Variants in POLR3A observed in about 807,000 individuals in gnomAD.
POLR3A encodes the protein RNA polymerase III subunit A.
Under a neutral mutation model 152.8 loss-of-function variants are expected in POLR3A, and 112 were observed. That is an observed-to-expected ratio of 0.73 (90% CI 0.63 to 0.86). The LOEUF is 0.86. Ranked by LOEUF, POLR3A falls within the 40% of genes least tolerant of loss-of-function variation. The probability of loss-of-function intolerance (pLI) is 0.00; values close to 1 mark genes in which losing one functional copy is unlikely to be tolerated. For missense variants in POLR3A, 1,385 were observed against 1,743.1 expected, an observed-to-expected ratio of 0.79 and a Z score of 3.66; for synonymous variants, 615 against 652.1, an observed-to-expected ratio of 0.94 and a Z score of 0.87.
At chr10:77,996,495 A>G (rs1190999618) in intron 19 of POLR3A, among the ~76,000 whole-genome samples, 1 of 152,256 alleles carries the variant, frequency 6.6e-6, no homozygotes, top group East Asian at 1.9e-4. Context: ...CAACGATCCC[A>G]CAGAAATACA....
rs1564612517 is a variant in POLR3A, at chr10:77,980,122, A to C, written c.4024+19T>G. 2 of 1,611,992 alleles carry C rather than the reference A, an allele frequency of 1.2e-6. No individual in the cohort carries two copies. Among genetic ancestry groups the C allele is most frequent in the Non-Finnish European group, 1.7e-6 (2 of 1,178,048 alleles). On this transcript the variant is annotated intron_variant, in intron 30 of 30. Transcript: ENST00000372371. Reference sequence around the variant, plus strand: ...ATAGTAAAGGCCTTTGATGCTGTTCATAGAAACATCAAACCTACCACACAC... The same window carrying C: ...ATAGTAAAGGCCTTTGATGCTGTTCCTAGAAACATCAAACCTACCACACAC...
In POLR3A at chr10:77,982,761, G is replaced by A. The variant is rs964966557; in HGVS notation, c.3486C>T (p.Pro1162=). ...CCTCACCATGAACAGCCACATCACC[G>A]GGCTTCACACGGAGCTTGGATGTGC... The part of the protein sequence containing the change: ...SICTSKLRVK[P]GDVAVHGEAV... The change falls in exon 27 of 31, where the codon CCC becomes CCT. Residue 1162 remains proline, a synonymous_variant. Transcript: ENST00000372371. The A allele has an allele frequency of 6.2e-6, 10 of 1,613,938 alleles. No individual in the cohort carries two copies. The East Asian group carries it at 6.7e-5, about 11-fold the overall frequency.
intron 21 of POLR3A, among the ~76,000 whole-genome samples, chr10:77,987,090 C>T (rs1380202382): frequency 6.6e-6 from 1 of 152,150 alleles, no homozygotes; most frequent in African/African-American, 2.4e-5. Flanking sequence ...GGAAGGAGCA[C>T]TTACAGAGGA....
At chr10:78,009,737 A>G in intron 13 of POLR3A, 62 bp from the exon 14 acceptor site, 2 of 1,613,632 alleles carry the variant, frequency 1.2e-6, no homozygotes, top group South Asian at 1.1e-5. Context: ...CCCCTTCAGT[A>G]GACGAAGCCA....
rs1847672211 is a variant in POLR3A, at chr10:78,029,512, C to A, written c.-105G>T. 9.0e-7 allele frequency: 1 copy of A among 1,106,042 alleles called. No individual in the cohort carries two copies. Among genetic ancestry groups the A allele is most frequent in the African/African-American group, 1.5e-5 (1 of 65,246 alleles). 68.5% of individuals were successfully genotyped at this position (1,106,042 alleles called of 1,614,324 possible). On this transcript the variant is annotated 5_prime_UTR_variant, in exon 1 of 31. Coordinates refer to ENST00000372371, the MANE Select transcript of POLR3A (RefSeq NM_007055.4). ...GCTTCTGGACTCGCCGCTAACACAT[C>A]TGCGGCATCCTCTCGGCCACCGTAG... is the stretch of plus-strand genomic sequence containing the variant.
intron 30 of POLR3A, among the ~76,000 whole-genome samples, chr10:77,978,660 G>GTTTTTT (rs1349193901): frequency 7.4e-6 from 1 of 135,744 alleles, no homozygotes; most frequent in African/African-American, 2.8e-5. Context: ...CTTCATGCTA[G>GTTTTTT]TTTTTTTTTT....
At chr10:78,028,395 T>C (rs1847657957) in intron 1 of POLR3A, among the ~76,000 whole-genome samples, 1 of 152,200 alleles carries the variant, frequency 6.6e-6, no homozygotes, top group South Asian at 2.1e-4. Flanking sequence ...CAGTGTTGAC[T>C]TGTGTACCTT....
chr10:78,023,116 C>A (rs1429545024), intron 5 of POLR3A, among the ~76,000 whole-genome samples: 5 of 151,222 alleles, frequency 3.3e-5, no homozygotes, highest in African/African-American at 1.2e-4. Context: ...CGATATCATG[C>A]CATTGCACTC....
intron 29 of POLR3A, 116 bp from the exon 30 acceptor site, chr10:77,980,389 G>T: frequency 1.0e-6 from 1 of 961,074 alleles, no homozygotes; most frequent in Non-Finnish European, 1.6e-6. Context: ...CCAACGTCAG[G>T]TGTGAAAGGC....
chr10:77,979,276 G>A (rs1847117651), intron 30 of POLR3A, among the ~76,000 whole-genome samples: 1 of 152,252 alleles, frequency 6.6e-6, no homozygotes, highest in Admixed American at 6.5e-5. Flanking sequence ...GGGCTACTGG[G>A]AAGCAGAGCT....
chr10:78,022,518 T>G, intron 5 of POLR3A, 134 bp from the exon 6 acceptor site: 1 of 909,658 alleles, frequency 1.1e-6, no homozygotes, highest in Non-Finnish European at 1.7e-6. Context: ...CTATGGATGA[T>G]ACGCTATGCT....
chr10:77,997,525 A>G (rs1847312985), intron 19 of POLR3A, among the ~76,000 whole-genome samples: 1 of 152,158 alleles, frequency 6.6e-6, no homozygotes, highest in African/African-American at 2.4e-5. Flanking sequence ...ACAGACAGAG[A>G]GCCAAATCAT....
At chr10:77,981,868 C>CAAAAAAAAAAA (rs60259976) in intron 28 of POLR3A, among the ~76,000 whole-genome samples, 2 of 63,784 alleles carry the variant, frequency 3.1e-5, no homozygotes, top group East Asian at 4.0e-4. Context: ...ACTAAAAATA[C>CAAAAAAAAAAA]AAAAAAAAAA....
intron 11 of POLR3A, among the ~76,000 whole-genome samples, chr10:78,010,924 G>A (rs868751611): frequency 2.6e-5 from 4 of 152,166 alleles, no homozygotes; most frequent in Middle Eastern, 3.2e-3. Context: ...GCTCACTGCA[G>A]CCTCAACCTC....
intron 3 of POLR3A, 90 bp downstream of exon 3, chr10:78,025,532 C>A: frequency 7.7e-7 from 1 of 1,297,608 alleles, no homozygotes. Context: ...AGATGTATCC[C>A]CCACCACTCA....
Position 78,025,109 on chromosome 10 carries a change from A to T in POLR3A, c.352T>A (p.Ser118Thr), listed in dbSNP as rs1308459588. 6.2e-7 allele frequency: 1 copy of T among 1,614,062 alleles called. No individual in the cohort carries two copies. The highest frequency in any genetic ancestry group is 8.5e-7 in the Non-Finnish European group (1 of 1,180,036). ...AGAAACTGCTTCTTCTCCTCTTGGG[A>T]CAGCATGATGTGGCAGCAGGTTTTG... The part of the protein sequence containing the change: ...ICKTCCHIML[S>T]QEEKKQFLDY... Residue 118 changes from serine to threonine, a missense_variant, in exon 4 of 31, where the codon TCC becomes ACC. Physicochemically the swap from Ser to Thr is moderately conservative, Grantham distance 58 (BLOSUM62 1). Transcript: ENST00000372371.
chr10:78,002,449 A>G, intron 16 of POLR3A, 141 bp from the exon 17 acceptor site: 1 of 709,582 alleles, frequency 1.4e-6, no homozygotes, highest in Non-Finnish European at 2.6e-6. Context: ...TCAGAACCTT[A>G]GAGGAGCAAA....
In POLR3A at chr10:78,000,014, C is replaced by T. The variant is rs777742739; in HGVS notation, c.2583G>A (p.Thr861=). Residue 861 remains threonine (T), a synonymous_variant, in exon 19 of 31, where the codon ACG becomes ACA. Coordinates refer to ENST00000372371, the MANE Select transcript of POLR3A (RefSeq NM_007055.4). ...ATCCCGTTTCAGCTGTCTTTACAGC[C>T]GTGTCGACTAGACCTTCCCGGCCGG... The part of the protein sequence containing the change: ...TMAGREGLVD[T]AVKTAETGYM... 41 of 1,614,116 alleles carry T rather than the reference C, an allele frequency of 2.5e-5. No homozygotes were observed. Among genetic ancestry groups the T allele is most frequent in the South Asian group, 1.8e-4 (16 of 91,078 alleles).
chr10:77,977,379 A>AC lies in POLR3A; in HGVS notation c.*98dup, dbSNP rs1236733615. ...TCTCTGATTGCTGGCATAGGTGGGGACCTCAGGACCCCCGTCCCAGGGAGC... is the reference window on the plus strand; with the variant it reads ...TCTCTGATTGCTGGCATAGGTGGGGACCCTCAGGACCCCCGTCCCAGGGAGC... On this transcript the variant is annotated 3_prime_UTR_variant, in exon 31 of 31. Coordinates refer to ENST00000372371, the MANE Select transcript of POLR3A (RefSeq NM_007055.4). 2.5e-6 allele frequency: 3 copies of AC among 1,213,260 alleles called. No individual in the cohort carries two copies. The highest frequency in any genetic ancestry group is 4.7e-5 in the East Asian group (2 of 42,992). 75.2% of individuals were successfully genotyped at this position (1,213,260 alleles called of 1,614,324 possible).
Sources: allele counts gnomAD v4.1 joint callset (sites outside exome capture counted in the v4.1 genomes callset), GRCh38; gene constraint gnomAD v4.1.1; transcripts MANE v1.5; gene names NCBI Gene and HGNC (gene_info 2026-07-23, HGNC 2026-07-21).